Variants in LRRC75B observed in about 807,000 individuals in gnomAD.
LRRC75B encodes the protein leucine-rich repeat-containing protein 75B.
LRRC75B carries 20 observed loss-of-function variants against 16.5 expected under a neutral mutation model. That is an observed-to-expected ratio of 1.21 (90% CI 0.85 to 1.76). LRRC75B has a LOEUF of 1.76. LRRC75B is among the 40% of genes most tolerant of loss of function. The pLI, the probability that LRRC75B is intolerant of heterozygous loss-of-function variation, is 0.00. For missense variants in LRRC75B, 406 were observed against 417.0 expected, an observed-to-expected ratio of 0.97 and a Z score of 0.23; for synonymous variants, 199 against 198.1, an observed-to-expected ratio of 1.00 and a Z score of -0.04.
chr22:24,592,933 C>T lies in LRRC75B; in HGVS notation c.107G>A (p.Arg36His). ...APYERRVRWLREIQSTLRERR... is the reference protein window; with the variant it reads ...APYERRVRWLHEIQSTLRERR... ...CTCGCGGAGCGTGGACTGGATCTCG[C>T]GGAGCCACCGCACCCGGCGCTCGTA... is the stretch of plus-strand genomic sequence containing the variant. Residue 36 changes from arginine to histidine, a missense_variant, in exon 1 of 4, where the codon CGC (arginine) becomes CAC (histidine). Transcript: ENST00000318753. 8.1e-7 allele frequency: 1 copy of T among 1,239,172 alleles called. No individual in the cohort carries two copies. Among genetic ancestry groups the T allele is most frequent in the South Asian group, 3.0e-5 (1 of 33,764 alleles). The allele number at this position is 1,239,172 out of a possible 1,614,324, so 76.8% of individuals were successfully genotyped here.
In LRRC75B at chr22:24,592,891, G is replaced by GCGCGCTCCGGCCGCCGCT. The variant is rs1369173154; in HGVS notation, c.131_148dup (p.Glu44_Arg49dup). ...GCGCAGGAGGCGCAGCAGCTGCCGG[G>GCGCGCTCCGGCCGCCGCT]CGCGCTCCGGCCGCCGCTCGCGGAG... On this transcript the variant is annotated inframe_insertion, in exon 1 of 4. Transcript: ENST00000318753. 7.8e-5 allele frequency: 100 copies of GCGCGCTCCGGCCGCCGCT among 1,281,102 alleles called. No individual in the cohort carries two copies. The highest frequency in any genetic ancestry group is 3.0e-4 in the Middle Eastern group (1 of 3,322). The allele number at this position is 1,281,102 out of a possible 1,614,324, so 79.4% of individuals were successfully genotyped here.
At chr22:24,590,984 G>A (rs1020589812) in intron 1 of LRRC75B, among the ~76,000 whole-genome samples, 4 of 152,006 alleles carry the variant, frequency 2.6e-5, no homozygotes, top group Admixed American at 6.6e-5. Flanking sequence ...TCACCCCACC[G>A]CCTGCATAGA....
chr22:24,585,695 G>A lies in LRRC75B; in HGVS notation c.*191C>T, dbSNP rs566426494. The A allele has an allele frequency of 4.6e-6, 3 of 657,394 alleles. No homozygotes were observed. In the South Asian group the frequency reaches 6.1e-5, roughly 13 times the overall value. 40.7% of individuals were successfully genotyped at this position (657,394 alleles called of 1,614,324 possible). A position where few individuals can be genotyped will look rare whatever the true frequency, so the allele number is the denominator to read the frequency against. The stretch of plus-strand genomic sequence containing the variant: ...GGGTGCTGGGGCCCCTCCCACTGAG[G>A]GAAGGCTGAGCCTCTAGCCAGGGCT... On this transcript the variant is annotated 3_prime_UTR_variant, in exon 4 of 4. Coordinates refer to ENST00000318753, the MANE Select transcript of LRRC75B (RefSeq NM_207644.3).
intron 3 of LRRC75B, 142 bp from the exon 4 acceptor site, chr22:24,586,553 C>G: frequency 2.0e-6 from 2 of 977,836 alleles, no homozygotes; most frequent in Non-Finnish European, 3.1e-6. Context: ...TTTTTTGAGA[C>G]AAAGTTTCGC....
Position 24,589,848 on chromosome 22 carries a change from C to A in LRRC75B, c.279G>T (p.Leu93=). Residue 93 remains leucine, a synonymous_variant, in exon 2 of 4, where the codon CTG becomes CTT. Coordinates refer to ENST00000318753, the MANE Select transcript of LRRC75B (RefSeq NM_207644.3). ...DPISHDLLVN[L]ARDLQCPKKD... is the part of the protein sequence containing the mutation. ...TCTTGGGGCACTGCAGGTCCCGGGC[C>A]AGGTTCACAAGCAGGTCATGGGAGA... The A allele has an allele frequency of 6.2e-7, 1 of 1,613,686 alleles. No individual in the cohort carries two copies. The highest frequency in any genetic ancestry group is 1.1e-5 in the South Asian group (1 of 91,014).
chr22:24,588,611 GC>G, intron 2 of LRRC75B: 2 of 1,024,618 alleles, frequency 2.0e-6, no homozygotes, highest in Non-Finnish European at 2.5e-6. Flanking sequence ...CTGTCCTCGG[GC>G]CCAGGGCCAG....
intron 3 of LRRC75B, 119 bp from the exon 4 acceptor site, chr22:24,586,530 T>C: frequency 9.2e-7 from 1 of 1,091,750 alleles, no homozygotes; most frequent in Non-Finnish European, 1.3e-6. Flanking sequence ...AGATTCAAAC[T>C]GTGTCTTTCG....
In LRRC75B at chr22:24,586,368, C is replaced by G. The variant is rs1465977060; in HGVS notation, c.466G>C (p.Val156Leu). ...GACAGCGGGATGCCTGAGAGGTCCA[C>G]AGTCTCCCCTGCCAGCAGAGTCTTC... is the stretch of plus-strand genomic sequence containing the variant. ...LQKTLLAGET[V>L]DLSGIPLSTQ... The change falls in exon 4 of 4, where the codon GTG (valine) becomes CTG (leucine). Residue 156 changes from valine to leucine, a missense_variant. Transcript: ENST00000318753. The G allele has an allele frequency of 6.2e-7, 1 of 1,613,696 alleles. No individual in the cohort carries two copies. Among genetic ancestry groups the G allele is most frequent in the Non-Finnish European group, 8.5e-7 (1 of 1,180,006 alleles).
chr22:24,585,654 G>A lies in LRRC75B; in HGVS notation c.*232C>T. Reference sequence around the variant, plus strand: ...GCAGAGGCGGGTGTCACTCTTTATTGCGGGGTCCACACTGTGGGTGCTGGG... The same window carrying A: ...GCAGAGGCGGGTGTCACTCTTTATTACGGGGTCCACACTGTGGGTGCTGGG... On this transcript the variant is annotated 3_prime_UTR_variant, in exon 4 of 4. Coordinates refer to ENST00000318753, the MANE Select transcript of LRRC75B (RefSeq NM_207644.3). 1.8e-6 allele frequency: 1 copy of A among 571,294 alleles called. No homozygotes were observed. The highest frequency in any genetic ancestry group is 2.3e-5 in the South Asian group (1 of 43,928). The allele number at this position is 571,294 out of a possible 1,614,324, so 35.4% of individuals were successfully genotyped here.
intron 1 of LRRC75B, chr22:24,592,578 C>A (rs952378003): frequency 4.2e-6 from 2 of 474,436 alleles, no homozygotes; most frequent in Non-Finnish European, 7.7e-6. Flanking sequence ...CACACAACCC[C>A]TCTCAAACCC....
chr22:24,592,853 CT>C lies in LRRC75B; in HGVS notation c.177+9del. The C allele has an allele frequency of 7.8e-7, 1 of 1,278,032 alleles. No individual in the cohort carries two copies. Among genetic ancestry groups the C allele is most frequent in the Non-Finnish European group, 9.9e-7 (1 of 1,011,992 alleles). 79.2% of individuals were successfully genotyped at this position (1,278,032 alleles called of 1,614,324 possible). ...CCGCCAGCCCAGGGGCGGACGGCTC[CT>C]TCTCTCGCCTGGCGCAGGAGGCGCA... On this transcript the variant is annotated intron_variant, in intron 1 of 3. Transcript: ENST00000318753.
At chr22:24,586,509 C>A in intron 3 of LRRC75B, 98 bp from the exon 4 acceptor site, 1 of 1,264,756 alleles carries the variant, frequency 7.9e-7, no homozygotes, top group South Asian at 1.4e-5. Context: ...GGCCTACAGT[C>A]TGGCAAAGCC....
intron 1 of LRRC75B, among the ~76,000 whole-genome samples, chr22:24,590,622 C>T (rs1292027738): frequency 2.6e-5 from 4 of 152,100 alleles, no homozygotes. Flanking sequence ...CCCTCAAATT[C>T]CCCTGTCCCC....
chr22:24,590,360 G>T (rs2045533524), intron 1 of LRRC75B, among the ~76,000 whole-genome samples: 1 of 152,126 alleles, frequency 6.6e-6, no homozygotes, highest in African/African-American at 2.4e-5. Context: ...TCAAACTCCT[G>T]GGCTCAAGCG....
intron 2 of LRRC75B, chr22:24,588,619 C>A: frequency 1.9e-6 from 2 of 1,061,872 alleles, no homozygotes; most frequent in South Asian, 2.2e-5. Context: ...GGGCCCAGGG[C>A]CAGCGTCTCG....
intron 2 of LRRC75B, chr22:24,589,362 C>G: frequency 8.9e-7 from 1 of 1,128,648 alleles, no homozygotes; most frequent in South Asian, 1.9e-5. Context: ...AGTGAGCACC[C>G]GTCCGCAAGG....
At chr22:24,590,455 G>A (rs1449870920) in intron 1 of LRRC75B, among the ~76,000 whole-genome samples, 1 of 152,170 alleles carries the variant, frequency 6.6e-6, no homozygotes, top group Non-Finnish European at 1.5e-5. Context: ...GGACATGGGA[G>A]CCCTCAGGGA....
Position 24,586,192 on chromosome 22 carries a change from C to G in LRRC75B, c.642G>C (p.Leu214=), listed in dbSNP as rs1182134384. ...CCCGCGTCAGTCGGTTGCCGTTGAG[C>G]AGGAGCTGGGTGAGGCGGGGCAGCG... ...LWALPRLTQL[L]LNGNRLTRAT... The change falls in exon 4 of 4, where the codon CTG becomes CTC. Residue 214 remains leucine (L), a synonymous_variant. Coordinates refer to ENST00000318753, the MANE Select transcript of LRRC75B (RefSeq NM_207644.3). 6.2e-7 allele frequency: 1 copy of G among 1,613,706 alleles called. No homozygotes were observed. The highest frequency in any genetic ancestry group is 1.3e-5 in the African/African-American group (1 of 74,958).
At chr22:24,591,723 T>G (rs2045573498) in intron 1 of LRRC75B, among the ~76,000 whole-genome samples, 1 of 152,230 alleles carries the variant, frequency 6.6e-6, no homozygotes, top group Admixed American at 6.5e-5. Flanking sequence ...GTGCCTCTGG[T>G]TGTCTGGCTG....
Sources: allele counts gnomAD v4.1 joint callset (sites outside exome capture counted in the v4.1 genomes callset), GRCh38; gene constraint gnomAD v4.1.1; transcripts MANE v1.5; gene names NCBI Gene and HGNC (gene_info 2026-07-23, HGNC 2026-07-21).